The following CEP83 variants were observed in gnomAD, a reference collection of about 807,000 sequenced individuals.
The protein encoded by CEP83 is centrosomal protein 83, also known as centrosomal protein of 83 kDa.
Under a neutral mutation model 101.9 loss-of-function variants are expected in CEP83, and 70 were observed. The ratio of observed to expected loss-of-function variants is 0.69; its 90% CI spans 0.57 to 0.84. The LOEUF (loss-of-function observed/expected upper bound fraction) is 0.84. Ranked by LOEUF, CEP83 falls within the 40% of genes least tolerant of loss-of-function variation. The pLI, the probability that CEP83 is intolerant of heterozygous loss-of-function variation, is 0.00. For synonymous variants in CEP83, 264 were observed against 267.9 expected (o/e 0.99, Z 0.14); for missense variants, 715 against 787.2 (o/e 0.91, Z 1.10).
intron 4 of CEP83, among the ~76,000 whole-genome samples, chr12:94,410,602 ATAAT>A (rs1489908131): frequency 1.3e-5 from 2 of 152,220 alleles, no homozygotes; most frequent in Non-Finnish European, 2.9e-5. Context: ...ATGAAACAGA[ATAAT>A]TAAATTTGCA....
At chr12:94,418,051 C>A (rs1445824614) in intron 2 of CEP83, among the ~76,000 whole-genome samples, 1 of 151,794 alleles carries the variant, frequency 6.6e-6, no homozygotes, top group Non-Finnish European at 1.5e-5. Flanking sequence ...AAAGAAGAAC[C>A]AAGTGGAAAT....
intron 2 of CEP83, chr12:94,424,043 T>G: frequency 6.2e-7 from 1 of 1,612,152 alleles, no homozygotes; most frequent in Non-Finnish European, 8.5e-7. Flanking sequence ...GTATGAATGG[T>G]GGTGCATCCA....
intron 1 of CEP83, among the ~76,000 whole-genome samples, chr12:94,439,261 A>G (rs532258730): frequency 5.9e-5 from 9 of 152,310 alleles, no homozygotes; most frequent in African/African-American, 2.2e-4. Context: ...CTTTGAAAAG[A>G]CAAAATCGAC....
chr12:94,424,910 T>C, intron 2 of CEP83: 2 of 1,599,110 alleles, frequency 1.3e-6, no homozygotes, highest in East Asian at 2.2e-5. Flanking sequence ...TGGCTTCTTG[T>C]TGTTTCTATT....
chr12:94,335,547 G>T, intron 12 of CEP83, 42 bp downstream of exon 12: 1 of 1,274,678 alleles, frequency 7.8e-7, no homozygotes, highest in Non-Finnish European at 1.1e-6. Context: ...ATTTAAAGAA[G>T]CACTTGAAAA....
chr12:94,332,657 A>G (rs931801172), intron 13 of CEP83, among the ~76,000 whole-genome samples: 3 of 152,188 alleles, frequency 2.0e-5, no homozygotes, highest in African/African-American at 7.2e-5. Context: ...TTTACAAAAT[A>G]AAAGAAAAAT....
intron 14 of CEP83, among the ~76,000 whole-genome samples, chr12:94,316,785 C>A (rs1970770589): frequency 6.6e-6 from 1 of 152,166 alleles, no homozygotes; most frequent in Admixed American, 6.5e-5. Flanking sequence ...TATAGTATTC[C>A]ATGGTGTATA....
At position 94,392,465 on chromosome 12, in the gene CEP83, G is replaced by C. The variant is rs2062609357; in HGVS notation, c.549+8385C>G. Among the ~76,000 whole-genome samples, 4 of 152,300 alleles carry C rather than the reference G, an allele frequency of 2.6e-5. No homozygotes were observed. The South Asian group carries it at 8.3e-4, about 32-fold the overall frequency. On this transcript the variant is annotated intron_variant, in intron 6 of 16. Transcript: ENST00000397809. ...ATGAGAAGAAAGACACAATGTACCA[G>C]AATCTCTGGGACACATTTACAGCAG...
intron 14 of CEP83, among the ~76,000 whole-genome samples, chr12:94,322,350 T>G (rs1176704206): frequency 6.6e-6 from 1 of 151,962 alleles, no homozygotes; most frequent in African/African-American, 2.4e-5. Context: ...AAAACACTGG[T>G]GCAGGTGGCT....
chr12:94,295,971 G>A, the CEP83 span, among the ~76,000 whole-genome samples: 1 of 152,158 alleles, frequency 6.6e-6, no homozygotes, highest in South Asian at 2.1e-4. Context: ...ACCTGCACCT[G>A]CCTTCTTCCT....
chr12:94,386,982 A>T (rs139295180), intron 6 of CEP83, among the ~76,000 whole-genome samples: 1 of 152,220 alleles, frequency 6.6e-6, no homozygotes, highest in Non-Finnish European at 1.5e-5. Context: ...GATGCTCAAC[A>T]AAGTTGACAA....
chr12:94,415,399 TTTTA>T (rs1413617430), intron 2 of CEP83, among the ~76,000 whole-genome samples: 3 of 152,106 alleles, frequency 2.0e-5, no homozygotes, highest in African/African-American at 4.8e-5. Flanking sequence ...ATGAAAGAAA[TTTTA>T]TTTGTGAACA....
At chr12:94,348,956 C>T (rs924735103) in intron 11 of CEP83, among the ~76,000 whole-genome samples, 2 of 147,054 alleles carry the variant, frequency 1.4e-5, no homozygotes, top group African/African-American at 2.6e-5. Flanking sequence ...AGGGAAAATG[C>T]TTCCACAACG....
chr12:94,326,800 G>C (rs1302016941), intron 14 of CEP83, among the ~76,000 whole-genome samples: 1 of 152,110 alleles, frequency 6.6e-6, no homozygotes, highest in Non-Finnish European at 1.5e-5. Context: ...AGGATTACCA[G>C]CAACTACCAG....
intron 2 of CEP83, among the ~76,000 whole-genome samples, chr12:94,430,148 T>C (rs1384989617): frequency 1.3e-5 from 2 of 152,092 alleles, no homozygotes; most frequent in Admixed American, 1.3e-4. Flanking sequence ...CAGCCACCAT[T>C]GGCAACTAAG....
chr12:94,369,914 C>T lies in CEP83; in HGVS notation c.1048+8G>A. On this transcript the variant is annotated splice_region_variant and intron_variant, in intron 9 of 16. Transcript: ENST00000397809. ...GCAGCAGCAGCAGCAAGGGAAATCA[C>T]ATATTACCATCCAGTTCACTTTGAA... 1.4e-6 allele frequency: 2 copies of T among 1,388,100 alleles called. No individual in the cohort carries two copies. The highest frequency in any genetic ancestry group is 2.0e-6 in the Non-Finnish European group (2 of 980,192). 86.0% of individuals were successfully genotyped at this position (1,388,100 alleles called of 1,614,324 possible).
chr12:94,366,566 T>C (rs1239782883), intron 11 of CEP83, among the ~76,000 whole-genome samples: 1 of 152,102 alleles, frequency 6.6e-6, no homozygotes, highest in Non-Finnish European at 1.5e-5. Context: ...CAGAATGAAC[T>C]CCACGGTGCT....
chr12:94,284,598 A>C, the CEP83 span, among the ~76,000 whole-genome samples: 1 of 151,996 alleles, frequency 6.6e-6, no homozygotes, highest in Admixed American at 6.6e-5. Context: ...CAGTCCTACG[A>C]GATAGGTACT....
At chr12:94,349,612 A>T (rs2060109617) in intron 11 of CEP83, among the ~76,000 whole-genome samples, 1 of 152,248 alleles carries the variant, frequency 6.6e-6, no homozygotes, top group Admixed American at 6.5e-5. Flanking sequence ...GAATAGAAGG[A>T]CACTACCTCA....
Sources: allele counts gnomAD v4.1 joint callset (sites outside exome capture counted in the v4.1 genomes callset), GRCh38; gene constraint gnomAD v4.1.1; transcripts MANE v1.5; gene names NCBI Gene and HGNC (gene_info 2026-07-23, HGNC 2026-07-21).